The following NOC3L variants were observed in gnomAD, a reference collection of about 807,000 sequenced individuals.
NOC3L encodes NOC3 like DNA replication regulator, also known as nucleolar complex protein 3 homolog.
In NOC3L, 85 loss-of-function variants were observed where a neutral mutation model predicts 102.5. The ratio of observed to expected loss-of-function variants is 0.83; its 90% confidence interval spans 0.70 to 0.99. The LOEUF (loss-of-function observed/expected upper bound fraction) is 0.99. NOC3L is among the 50% of genes least tolerant of loss of function. NOC3L has a pLI of 0.00. For missense variants in NOC3L, 878 were observed against 914.9 expected, an observed-to-expected ratio of 0.96 and a Z score of 0.52; for synonymous variants, 303 against 309.4, an observed-to-expected ratio of 0.98 and a Z score of 0.22.
At chr10:94,359,363 T>C (rs978834145) in intron 2 of NOC3L, among the ~76,000 whole-genome samples, 1 of 151,680 alleles carries the variant, frequency 6.6e-6, no homozygotes, top group African/African-American at 2.4e-5. Flanking sequence ...TAGGCAGAGA[T>C]TGCAATGAGC....
rs1050704741 is a variant in NOC3L at position 94,350,371 on chromosome 10, T to G, written c.953-83A>C. On this transcript the variant is annotated intron_variant, in intron 8 of 20. Coordinates refer to ENST00000371361, the MANE Select transcript of NOC3L (RefSeq NM_022451.11). ...CTTTCTTTTACAATCAATGTACATT[T>G]TAACACACATAAACACACACACACA... is the stretch of plus-strand genomic sequence containing the variant. 1.4e-5 allele frequency: 17 copies of G among 1,178,000 alleles called. 1 individual carries two copies. The highest frequency in any genetic ancestry group is 4.2e-4 in the Middle Eastern group (2 of 4,812). 73.0% of individuals were successfully genotyped at this position (1,178,000 alleles called of 1,614,324 possible).
Position 94,340,481 on chromosome 10 carries a change from C to T in NOC3L, c.1660G>A (p.Glu554Lys), listed in dbSNP as rs1159731483. The T allele has an allele frequency of 2.6e-6, 3 of 1,170,526 alleles. No homozygotes were observed. Among genetic ancestry groups the T allele is most frequent in the Admixed American group, 1.9e-5 (1 of 51,348 alleles). The allele number at this position is 1,170,526 out of a possible 1,614,324, so 72.5% of individuals were successfully genotyped here. ...LIESGDLSYQ[E>K]SLHCVQTAFH... ...GCAGTCTGGACACAGTGAAGACTTT[C>T]TTGATAGCTTAGGTCCTTTAAAAAA... The change falls in exon 15 of 21, where the codon GAA becomes AAA. Residue 554 changes from glutamate (E) to lysine (K), a missense_variant. Transcript: ENST00000371361.
At chr10:94,352,283 C>T (rs1023192118) in intron 8 of NOC3L, 27 bp downstream of exon 8, 1 of 1,464,734 alleles carries the variant, frequency 6.8e-7, no homozygotes, top group African/African-American at 1.4e-5. Flanking sequence ...AAGTATGTTA[C>T]AAACTTTGAA....
chr10:94,339,044 A>C (rs1397722547), intron 17 of NOC3L, among the ~76,000 whole-genome samples: 2 of 152,234 alleles, frequency 1.3e-5, no homozygotes, highest in African/African-American at 4.8e-5. Flanking sequence ...TAAATACATA[A>C]AGATATTCAC....
intron 1 of NOC3L, 197 bp from the exon 2 acceptor site, chr10:94,362,069 C>T: frequency 1.6e-6 from 1 of 631,208 alleles, no homozygotes; most frequent in Non-Finnish European, 2.8e-6. Flanking sequence ...TATTCAATCC[C>T]AATTCACAGC....
At chr10:94,328,093 T>G in the NOC3L span, 1 of 429,612 alleles carries the variant, frequency 2.3e-6, no homozygotes, top group Non-Finnish European at 4.9e-6. Flanking sequence ...AGATCCATGC[T>G]GAGGAGAAGC....
the NOC3L span, among the ~76,000 whole-genome samples, chr10:94,322,741 T>A: frequency 6.6e-6 from 1 of 150,780 alleles, no homozygotes; most frequent in Non-Finnish European, 1.5e-5. Context: ...GCCGAGATCA[T>A]GCCATTGCGC....
chr10:94,316,483 C>A, the NOC3L span: 1 of 1,011,418 alleles, frequency 9.9e-7, no homozygotes, highest in Non-Finnish European at 1.6e-6. Flanking sequence ...ATCTGAACAC[C>A]ATGAAAGTTG....
intron 13 of NOC3L, among the ~76,000 whole-genome samples, chr10:94,342,776 T>C (rs1021601827): frequency 2.0e-5 from 3 of 149,688 alleles, no homozygotes; most frequent in African/African-American, 4.9e-5. Context: ...CATAGCATGA[T>C]TCCATTTGCA....
rs749762386 is a variant in NOC3L at position 94,357,342 on chromosome 10, A to G, written c.351-11T>C. ...GCATGAACAGGCTCACTGCAGGGGA[A>G]AAAAAGATCAATTTTCAGTCTTAAT... is the stretch of plus-strand genomic sequence containing the variant. On this transcript the variant is annotated splice_polypyrimidine_tract_variant and intron_variant, in intron 3 of 20. Coordinates refer to ENST00000371361, the MANE Select transcript of NOC3L (RefSeq NM_022451.11). 1.5e-4 allele frequency: 236 copies of G among 1,552,586 alleles called. No homozygotes were observed. The highest frequency in any genetic ancestry group is 2.0e-4 in the Non-Finnish European group (230 of 1,152,926).
intron 2 of NOC3L, among the ~76,000 whole-genome samples, chr10:94,358,448 T>C (rs2054514323): frequency 6.6e-6 from 1 of 152,244 alleles, no homozygotes; most frequent in Non-Finnish European, 1.5e-5. Context: ...TTTGTCGTAC[T>C]GGGATGTTCT....
intron 8 of NOC3L, among the ~76,000 whole-genome samples, chr10:94,351,872 A>G (rs1030761304): frequency 6.6e-6 from 1 of 152,116 alleles, no homozygotes; most frequent in Non-Finnish European, 1.5e-5. Flanking sequence ...CAAATAAAAA[A>G]CAGCAGAATA....
chr10:94,332,411 C>G (rs1264119138), downstream of NOC3L: 1 of 152,016 alleles, frequency 6.6e-6, no homozygotes, highest in Non-Finnish European at 1.5e-5. Flanking sequence ...TAAGTGCCAG[C>G]ATAGTGCTAA....
rs11187900 is a variant in NOC3L, at chr10:94,348,607, T to A, written c.1257+643A>T. On this transcript the variant is annotated intron_variant, in intron 10 of 20. Transcript: ENST00000371361. ...CAAATAATAAGCAGGTAAAAAAAGT[T>A]TATATATATATAAACTTTTCACCTA... Among the ~76,000 whole-genome samples, 10 of 151,854 alleles carry A rather than the reference T, an allele frequency of 6.6e-5. No homozygotes were observed. The East Asian group carries it at 1.9e-3, about 29-fold the overall frequency.
chr10:94,354,502 A>G lies in NOC3L; in HGVS notation c.696+461T>C, dbSNP rs187213471. Among the ~76,000 whole-genome samples the G allele has an allele frequency of 3.2e-4, 49 of 152,316 alleles. No homozygotes were observed. The East Asian group carries it at 8.5e-3, about 26-fold the overall frequency. Reference sequence around the variant, plus strand: ...CATCACTAACTCAACGACTATACACATGGCACAATAACACTTTACTTTAAC... The same window carrying G: ...CATCACTAACTCAACGACTATACACGTGGCACAATAACACTTTACTTTAAC... On this transcript the variant is annotated intron_variant, in intron 6 of 20. Coordinates refer to ENST00000371361, the MANE Select transcript of NOC3L (RefSeq NM_022451.11).
chr10:94,322,037 C>T, the NOC3L span: 1 of 1,614,160 alleles, frequency 6.2e-7, no homozygotes, highest in South Asian at 1.1e-5. Flanking sequence ...CGCGTCAGCA[C>T]TGCACAGGAT....
chr10:94,358,073 G>T lies in NOC3L; in HGVS notation c.350+10C>A. ...GGATATGAATGATTATAACCCAAATGAAGTATTACCTAGAAGAAAGATCTC... is the reference window on the plus strand; with the variant it reads ...GGATATGAATGATTATAACCCAAATTAAGTATTACCTAGAAGAAAGATCTC... On this transcript the variant is annotated intron_variant, in intron 3 of 20. Transcript: ENST00000371361. 6.5e-7 allele frequency: 1 copy of T among 1,527,528 alleles called. No homozygotes were observed. Among genetic ancestry groups the T allele is most frequent in the Non-Finnish European group, 9.1e-7 (1 of 1,102,536 alleles). The allele number at this position is 1,527,528 out of a possible 1,614,324, so 94.6% of individuals were successfully genotyped here.
rs2054180406 is a variant in NOC3L, at chr10:94,333,304, A to T, written c.*873T>A. ...TTATAATCTAGTCACTGAAACACGC[A>T]TTTCTTAGGCCACTCCTAGAATATG... On this transcript the variant is annotated 3_prime_UTR_variant, in exon 21 of 21. Coordinates refer to ENST00000371361, the MANE Select transcript of NOC3L (RefSeq NM_022451.11). The T allele has an allele frequency of 6.6e-6, 1 of 152,158 alleles. No homozygotes were observed. The allele number at this position is 152,158 out of a possible 1,614,324, so 9.4% of individuals were successfully genotyped here.
At chr10:94,324,597 T>C in the NOC3L span, 1 of 1,525,284 alleles carries the variant, frequency 6.6e-7, no homozygotes, top group Non-Finnish European at 9.1e-7. Context: ...TGCTCTGTTC[T>C]TAAGTTATCT....
Sources: allele counts gnomAD v4.1 joint callset (sites outside exome capture counted in the v4.1 genomes callset), GRCh38; gene constraint gnomAD v4.1.1; transcripts MANE v1.5; gene names NCBI Gene and HGNC (gene_info 2026-07-23, HGNC 2026-07-21).